TMTC2: variants seen among roughly 807,000 people sequenced by gnomAD.
The protein encoded by TMTC2 is transmembrane O-mannosyltransferase targeting cadherins 2, also known as protein O-mannosyl-transferase TMTC2.
A neutral mutation model predicts 82.4 loss-of-function variants in TMTC2; 43 were observed. The observed-to-expected ratio is 0.52, with a 90% CI of 0.41 to 0.67. The LOEUF is 0.67. Among genes scored for constraint, TMTC2 ranks in the 30% least tolerant of loss-of-function variants. The pLI, the probability that TMTC2 is intolerant of heterozygous loss-of-function variation, is 0.00. For synonymous variants in TMTC2, 408 were observed against 381.9 expected, an observed-to-expected ratio of 1.07 and a Z score of -0.80; for missense variants, 919 against 1,012.4, an observed-to-expected ratio of 0.91 and a Z score of 1.25.
chr12:83,012,839 C>A (rs1245575629), intron 8 of TMTC2, among the ~76,000 whole-genome samples: 1 of 151,958 alleles, frequency 6.6e-6, no homozygotes, highest in Non-Finnish European at 1.5e-5. Context: ...TACAGATAAT[C>A]CTCTGTTGTT....
At chr12:82,701,755 G>A (rs1229816349) in intron 1 of TMTC2, among the ~76,000 whole-genome samples, 2 of 140,714 alleles carry the variant, frequency 1.4e-5, no homozygotes, top group Non-Finnish European at 1.5e-5. Flanking sequence ...GCAAAACTCC[G>A]TCTCAAAAAA....
chr12:83,065,469 G>A (rs1882885764), intron 11 of TMTC2, among the ~76,000 whole-genome samples: 1 of 151,832 alleles, frequency 6.6e-6, no homozygotes, highest in African/African-American at 2.4e-5. Context: ...TACATAGTTA[G>A]AGAAGTCTAT....
intron 1 of TMTC2, among the ~76,000 whole-genome samples, chr12:82,766,747 C>G (rs566964083): frequency 6.6e-6 from 1 of 152,322 alleles, no homozygotes; most frequent in Non-Finnish European, 1.5e-5. Context: ...CTTCTAGTCT[C>G]TCAATCTAGA....
At chr12:82,867,082 G>C (rs752775478) in intron 2 of TMTC2, among the ~76,000 whole-genome samples, 5 of 152,182 alleles carry the variant, frequency 3.3e-5, no homozygotes, top group Non-Finnish European at 5.9e-5. Context: ...TGATTTGGTG[G>C]TAGGAAGGTC....
At chr12:82,750,205 C>G (rs531025448) in intron 1 of TMTC2, among the ~76,000 whole-genome samples, 7 of 149,942 alleles carry the variant, frequency 4.7e-5, no homozygotes, top group East Asian at 3.9e-4. Flanking sequence ...TGAAGTTCCT[C>G]TTTTGTTTTA....
chr12:83,085,879 C>T (rs752757982), intron 11 of TMTC2, among the ~76,000 whole-genome samples: 24 of 152,162 alleles, frequency 1.6e-4, no homozygotes, highest in Non-Finnish European at 2.9e-4. Flanking sequence ...CTATTATTTA[C>T]TGCTGATTTT....
chr12:83,129,941 C>A (rs1160842181), intron 11 of TMTC2, among the ~76,000 whole-genome samples: 4 of 152,072 alleles, frequency 2.6e-5, no homozygotes, highest in Non-Finnish European at 5.9e-5. Flanking sequence ...TTTTAATAAT[C>A]CCTTTGAGTT....
chr12:82,787,658 C>G (rs192069272), intron 1 of TMTC2, among the ~76,000 whole-genome samples: 1 of 152,052 alleles, frequency 6.6e-6, no homozygotes, highest in Admixed American at 6.6e-5. Context: ...CCTGTAATCC[C>G]GGCATTTTGG....
intron 1 of TMTC2, among the ~76,000 whole-genome samples, chr12:82,848,135 G>A (rs560796533): frequency 2.6e-5 from 4 of 152,120 alleles, no homozygotes; most frequent in Non-Finnish European, 4.4e-5. Context: ...CCAAATTCCT[G>A]TCCATCCCAT....
intron 11 of TMTC2, among the ~76,000 whole-genome samples, chr12:83,094,243 T>C (rs1252480253): frequency 6.6e-6 from 1 of 152,190 alleles, no homozygotes; most frequent in East Asian, 1.9e-4. Context: ...CCAGAGAAGA[T>C]GTCCTAGGAG....
intron 1 of TMTC2, among the ~76,000 whole-genome samples, chr12:82,751,184 A>G (rs1875979222): frequency 6.6e-6 from 1 of 152,210 alleles, no homozygotes; most frequent in South Asian, 2.1e-4. Context: ...TGGCACATAT[A>G]CACAATGGAA....
intron 3 of TMTC2, among the ~76,000 whole-genome samples, chr12:82,903,422 GT>G (rs895071481): frequency 4.8e-4 from 73 of 152,068 alleles, no homozygotes; most frequent in African/African-American, 1.7e-3. Context: ...TTTTTGTTTT[GT>G]TTTTTTGAGA....
chr12:82,876,072 A>C (rs28650874), intron 2 of TMTC2, among the ~76,000 whole-genome samples: 1 of 52,326 alleles, frequency 1.9e-5, no homozygotes, highest in African/African-American at 8.0e-5. Flanking sequence ...GGTGGTGATG[A>C]TGATGATGGT....
At chr12:83,017,982 T>G (rs906657003) in intron 8 of TMTC2, among the ~76,000 whole-genome samples, 1 of 149,276 alleles carries the variant, frequency 6.7e-6, no homozygotes, top group Admixed American at 6.7e-5. Context: ...ACCTCTATGT[T>G]CTTAATAGCT....
intron 10 of TMTC2, among the ~76,000 whole-genome samples, 200 bp downstream of exon 10, chr12:83,051,218 TC>T (rs1460423386): frequency 1.3e-5 from 2 of 152,198 alleles, no homozygotes; most frequent in Non-Finnish European, 2.9e-5. Context: ...CCACATGTGA[TC>T]CAGGACAGCT....
At chr12:82,996,294 G>A (rs1180270506) in intron 8 of TMTC2, among the ~76,000 whole-genome samples, 1 of 152,142 alleles carries the variant, frequency 6.6e-6, no homozygotes, top group East Asian at 1.9e-4. Context: ...ACACTGAAAG[G>A]GGTGAGGGTG....
At chr12:82,812,174 C>A (rs1868437201) in intron 1 of TMTC2, among the ~76,000 whole-genome samples, 1 of 151,992 alleles carries the variant, frequency 6.6e-6, no homozygotes, top group African/African-American at 2.4e-5. Flanking sequence ...CATAATTTTT[C>A]TTTTTAAGTA....
At chr12:82,736,141 A>C (rs1251501995) in intron 1 of TMTC2, among the ~76,000 whole-genome samples, 3 of 152,236 alleles carry the variant, frequency 2.0e-5, no homozygotes, top group African/African-American at 7.2e-5. Context: ...CAATAGGATA[A>C]AGAAGTTAAA....
At chr12:83,097,683 T>G (rs1884076460) in intron 11 of TMTC2, among the ~76,000 whole-genome samples, 1 of 152,084 alleles carries the variant, frequency 6.6e-6, no homozygotes, top group Non-Finnish European at 1.5e-5. Flanking sequence ...TTATAAGACA[T>G]AAGAAAATAA....
Sources: allele counts gnomAD v4.1 joint callset (sites outside exome capture counted in the v4.1 genomes callset), GRCh38; gene constraint gnomAD v4.1.1; transcripts MANE v1.5; gene names NCBI Gene and HGNC (gene_info 2026-07-23, HGNC 2026-07-21).